PTPRQ: variants seen among roughly 807,000 people sequenced by gnomAD.
PTPRQ encodes the protein protein tyrosine phosphatase receptor type Q.
PTPRQ carries 199 observed loss-of-function variants against 246.0 expected under a neutral mutation model. The observed-to-expected ratio is 0.81, with a 90% CI of 0.72 to 0.91. PTPRQ has a LOEUF of 0.91. PTPRQ is among the 40% of genes least tolerant of loss of function. The probability of loss-of-function intolerance (pLI) is 0.00; values close to 1 mark genes in which losing one functional copy is unlikely to be tolerated. For missense variants in PTPRQ, 2,624 were observed against 2,528.4 expected (o/e 1.04, Z -0.81); for synonymous variants, 869 against 853.2 (o/e 1.02, Z -0.32).
chr12:80,626,765 G>A (rs1899216712), intron 33 of PTPRQ, among the ~76,000 whole-genome samples: 1 of 152,056 alleles, frequency 6.6e-6, no homozygotes, highest in Admixed American at 6.6e-5. Context: ...TGATGTTTCT[G>A]CTCCCACAAC....
rs907959749 is a variant in PTPRQ at position 80,673,134 on chromosome 12, C to A, written c.6603-35C>A. On this transcript the variant is annotated intron_variant, in intron 42 of 44. Transcript: ENST00000644991. ...CCCCATCAAAATGAACAACCCTTTGCTGAATAATTTTCATGTAATTTACCC... is the reference window on the plus strand; with the variant it reads ...CCCCATCAAAATGAACAACCCTTTGATGAATAATTTTCATGTAATTTACCC... 3.9e-6 allele frequency: 6 copies of A among 1,546,810 alleles called. No individual in the cohort carries two copies. In the South Asian group the frequency reaches 7.2e-5, roughly 19 times the overall value.
intron 25 of PTPRQ, among the ~76,000 whole-genome samples, chr12:80,552,687 A>ATG (rs1896522180): frequency 9.8e-6 from 1 of 102,176 alleles, no homozygotes; most frequent in African/African-American, 3.6e-5. Flanking sequence ...ATATATATAT[A>ATG]TATATATTTG....
intron 26 of PTPRQ, among the ~76,000 whole-genome samples, chr12:80,591,280 T>A (rs116710425): frequency 0.018 from 2,718 of 151,934 alleles, 80 homozygotes; most frequent in African/African-American, 0.062. Context: ...CACACGCCAC[T>A]GTGACCAGCT....
intron 14 of PTPRQ, among the ~76,000 whole-genome samples, chr12:80,497,047 A>G (rs1034918675): frequency 6.6e-6 from 1 of 151,928 alleles, no homozygotes; most frequent in Non-Finnish European, 1.5e-5. Context: ...CCTTTTTGGC[A>G]CTGGGGACCA....
Position 80,639,070 on chromosome 12 carries a change from C to T in PTPRQ, c.5915+3997C>T, listed in dbSNP as rs75576219. Among the ~76,000 whole-genome samples, 26 of 152,294 alleles carry T rather than the reference C, an allele frequency of 1.7e-4. No homozygotes were observed. The East Asian group carries it at 5.0e-3, about 29-fold the overall frequency. ...TTCTTAGAGCTCTTATTGGCAAGAT[C>T]AGCAGACACAGACACGCACAGTAAG... is the stretch of plus-strand genomic sequence containing the variant. On this transcript the variant is annotated intron_variant, in intron 35 of 44. Coordinates refer to ENST00000644991, the MANE Select transcript of PTPRQ (RefSeq NM_001145026.2).
intron 33 of PTPRQ, among the ~76,000 whole-genome samples, chr12:80,628,799 A>G (rs911224220): frequency 2.0e-4 from 31 of 152,170 alleles, no homozygotes; most frequent in African/African-American, 6.0e-4. Context: ...AAATAAGATA[A>G]AGTTATGGAG....
At chr12:80,461,472 A>C (rs948579287) in intron 6 of PTPRQ, among the ~76,000 whole-genome samples, 2 of 152,036 alleles carry the variant, frequency 1.3e-5, no homozygotes, top group African/African-American at 2.4e-5. Flanking sequence ...TTTTATGAGA[A>C]CATATTTTTG....
chr12:80,468,023 A>G (rs576238046), intron 6 of PTPRQ, among the ~76,000 whole-genome samples: 19 of 151,906 alleles, frequency 1.3e-4, no homozygotes, highest in Non-Finnish European at 2.4e-4. Flanking sequence ...TAAAATTTTT[A>G]AAACAATGAT....
At chr12:80,550,146 A>G (rs1318008820) in intron 25 of PTPRQ, among the ~76,000 whole-genome samples, 1 of 151,796 alleles carries the variant, frequency 6.6e-6, no homozygotes, top group African/African-American at 2.4e-5. Flanking sequence ...ATTTTCATCT[A>G]TTTTCTCCCC....
intron 6 of PTPRQ, among the ~76,000 whole-genome samples, chr12:80,467,344 A>T: frequency 6.6e-6 from 1 of 152,188 alleles, no homozygotes; most frequent in Admixed American, 6.5e-5. Flanking sequence ...AATCATTAAA[A>T]AGTCAGGAAA....
chr12:80,584,466 A>G (rs1221347754), intron 25 of PTPRQ, among the ~76,000 whole-genome samples: 1 of 152,102 alleles, frequency 6.6e-6, no homozygotes, highest in East Asian at 1.9e-4. Flanking sequence ...CTGTTTTGCA[A>G]TTACCAGACT....
intron 26 of PTPRQ, among the ~76,000 whole-genome samples, chr12:80,595,090 C>A (rs149413637): frequency 2.0e-5 from 3 of 152,264 alleles, no homozygotes; most frequent in Admixed American, 1.3e-4. Context: ...ATTGTCCTTT[C>A]TTTCCTCCTC....
chr12:80,591,464 G>T (rs1897799700), intron 26 of PTPRQ, among the ~76,000 whole-genome samples: 1 of 152,004 alleles, frequency 6.6e-6, no homozygotes, highest in South Asian at 2.1e-4. Context: ...CCCAGTACCA[G>T]TAGATACTCT....
At chr12:80,469,957 A>G (rs528107884) in intron 7 of PTPRQ, among the ~76,000 whole-genome samples, 1 of 152,334 alleles carries the variant, frequency 6.6e-6, no homozygotes, top group East Asian at 1.9e-4. Flanking sequence ...ACATGATTGA[A>G]TTAGTTTAAG....
chr12:80,471,743 A>G lies in PTPRQ; in HGVS notation c.1040-362A>G, dbSNP rs535177686. Among the ~76,000 whole-genome samples, 124 of 151,842 alleles carry G rather than the reference A, an allele frequency of 8.2e-4. 1 individual carries two copies. The highest frequency in any genetic ancestry group is 2.1e-3 in the East Asian group (11 of 5,170). On this transcript the variant is annotated intron_variant, in intron 7 of 44. Coordinates refer to ENST00000644991, the MANE Select transcript of PTPRQ (RefSeq NM_001145026.2). Reference sequence around the variant, plus strand: ...CCGCCCGCCTCGGCCTCCCAAAGTTATTTAGCATTTTAATTGAATAAATTT... The same window carrying G: ...CCGCCCGCCTCGGCCTCCCAAAGTTGTTTAGCATTTTAATTGAATAAATTT...
At chr12:80,594,660 G>A (rs1243282269) in intron 26 of PTPRQ, among the ~76,000 whole-genome samples, 1 of 152,002 alleles carries the variant, frequency 6.6e-6, no homozygotes, top group Non-Finnish European at 1.5e-5. Flanking sequence ...TATTCATCTA[G>A]TTGTTCAAAC....
Position 80,528,595 on chromosome 12 carries a change from G to A in PTPRQ, c.2679-5420G>A, listed in dbSNP as rs1011215027. Among the ~76,000 whole-genome samples, 5 of 151,926 alleles carry A rather than the reference G, an allele frequency of 3.3e-5. No individual in the cohort carries two copies. In the East Asian group the frequency reaches 9.7e-4, roughly 29 times the overall value. On this transcript the variant is annotated intron_variant, in intron 17 of 44. Transcript: ENST00000644991. The stretch of plus-strand genomic sequence containing the variant: ...TTTCCCAAATCATCTCTATTTTCAA[G>A]CCCTTTGCTAAATCTCACTCATCTC...
Position 80,656,876 on chromosome 12 carries a change from CAAA to C in PTPRQ, c.6116-1095_6116-1093del, listed in dbSNP as rs113862574. On this transcript the variant is annotated intron_variant, in intron 38 of 44. Transcript: ENST00000644991. ...AAAGATATATTTATACCTCATTCCT[CAAA>C]AAAAAAAAAAAAAGTCCCAATGGGA... Among the ~76,000 whole-genome samples, 297 of 113,610 alleles carry C rather than the reference CAAA, an allele frequency of 2.6e-3. 3 individuals carry two copies. The highest frequency in any genetic ancestry group is 7.1e-3 in the African/African-American group (255 of 35,756). 74.5% of individuals were successfully genotyped at this position (113,610 alleles called of 152,430 possible).
At chr12:80,582,563 A>G (rs1897477542) in intron 25 of PTPRQ, among the ~76,000 whole-genome samples, 1 of 152,172 alleles carries the variant, frequency 6.6e-6, no homozygotes, top group Non-Finnish European at 1.5e-5. Flanking sequence ...CAAGGACACA[A>G]TAAGAAGCCA....
Sources: allele counts gnomAD v4.1 joint callset (sites outside exome capture counted in the v4.1 genomes callset), GRCh38; gene constraint gnomAD v4.1.1; transcripts MANE v1.5; gene names NCBI Gene and HGNC (gene_info 2026-07-23, HGNC 2026-07-21).